SMARCA2: variants seen among roughly 807,000 people sequenced by gnomAD.
The protein encoded by SMARCA2 is SWI/SNF related BAF chromatin remodeling complex subunit ATPase 2, also known as SWI/SNF-related matrix-associated actin-dependent regulator of chromatin subfamily A member 2.
A neutral mutation model predicts 199.8 loss-of-function variants in SMARCA2; 61 were observed. The ratio of observed to expected loss-of-function variants is 0.31; its 90% CI spans 0.25 to 0.38. The LOEUF (loss-of-function observed/expected upper bound fraction) is 0.38. Ranked by LOEUF, SMARCA2 falls within the 10% of genes least tolerant of loss-of-function variation. SMARCA2 has a pLI of 1.00. For missense variants in SMARCA2, 1,344 were observed against 2,012.2 expected (o/e 0.67, Z 6.35); for synonymous variants, 935 against 732.0 (o/e 1.28, Z -4.48).
At position 2,073,301 on chromosome 9, in the gene SMARCA2, C is replaced by T. The variant is rs373497659; in HGVS notation, c.1836C>T (p.Pro612=). 9 of 1,614,166 alleles carry T rather than the reference C, an allele frequency of 5.6e-6. No individual in the cohort carries two copies. The highest frequency in any genetic ancestry group is 2.2e-5 in the East Asian group (1 of 44,876). ...AGGTTCTGTTCGGACCAGAAGCACC[C>T]AAAGCAAGTCAGCTGGACGCCTGGC... ...TGKVLFGPEA[P]KASQLDAWLE... is the part of the protein sequence containing the mutation. The change falls in exon 11 of 34, where the codon CCC becomes CCT. Residue 612 remains proline (P), a synonymous_variant. Coordinates refer to ENST00000349721, the MANE Select transcript of SMARCA2 (RefSeq NM_003070.5).
At chr9:2,045,488 G>A (rs1210598299) in intron 4 of SMARCA2, 1 of 152,096 alleles carries the variant, frequency 6.6e-6, no homozygotes, top group Non-Finnish European at 1.5e-5. Flanking sequence ...TTACTCCAAT[G>A]CATAGTAACC....
At position 2,081,840 on chromosome 9, in the gene SMARCA2, C is replaced by A. The variant is rs749703040; in HGVS notation, c.2193C>A (p.Gly731=). ...ATTACTCTTCATTTCAGCTCCAGGG[C>A]CTGGAATGGATGGTTTCCCTGTATA... ...NGTLKHYQLQ[G]LEWMVSLYNN... is the part of the protein sequence containing the mutation. The change falls in exon 15 of 34, where the codon GGC becomes GGA. Residue 731 remains glycine (G), a synonymous_variant. Transcript: ENST00000349721. The A allele has an allele frequency of 1.2e-5, 19 of 1,613,738 alleles. No homozygotes were observed. Among genetic ancestry groups the A allele is most frequent in the Admixed American group, 3.3e-5 (2 of 60,006 alleles).
At chr9:2,087,961 A>T (rs1821871944) in intron 18 of SMARCA2, among the ~76,000 whole-genome samples, 1 of 152,176 alleles carries the variant, frequency 6.6e-6, no homozygotes, top group Admixed American at 6.6e-5. Flanking sequence ...CTTGAACTAG[A>T]TAGGGCTGAG....
In SMARCA2 at chr9:2,082,625, C is replaced by A. The variant is rs547699722; in HGVS notation, c.2348+630C>A. Among the ~76,000 whole-genome samples the A allele has an allele frequency of 2.6e-5, 4 of 152,268 alleles. No individual in the cohort carries two copies. The South Asian group carries it at 8.3e-4, about 32-fold the overall frequency. On this transcript the variant is annotated intron_variant, in intron 15 of 33. Coordinates refer to ENST00000349721, the MANE Select transcript of SMARCA2 (RefSeq NM_003070.5). ...GTGAGGGCACAGTGATTCACAAGCA[C>A]CCTCCTGGGAGTTCAGTGTGTCTGC...
In SMARCA2 at chr9:2,088,480, A is replaced by G. The variant is rs1203193405; in HGVS notation, c.2770-20A>G. 1 of 1,559,468 alleles carries G rather than the reference A, an allele frequency of 6.4e-7. No homozygotes were observed. ...TCCTTTTCTTTAAAAAATCAAATTCATAATAAGCCTCTCTTACAGGTGGAC... is the reference window on the plus strand; with the variant it reads ...TCCTTTTCTTTAAAAAATCAAATTCGTAATAAGCCTCTCTTACAGGTGGAC... On this transcript the variant is annotated intron_variant, in intron 18 of 33. Coordinates refer to ENST00000349721, the MANE Select transcript of SMARCA2 (RefSeq NM_003070.5).
intron 5 of SMARCA2, among the ~76,000 whole-genome samples, chr9:2,051,937 G>C (rs1438368090): frequency 6.6e-6 from 1 of 152,154 alleles, no homozygotes; most frequent in Non-Finnish European, 1.5e-5. Context: ...GGGCTACATA[G>C]ATGTTGTAGA....
intron 5 of SMARCA2, among the ~76,000 whole-genome samples, chr9:2,050,975 C>A (rs192663017): frequency 2.0e-5 from 3 of 152,176 alleles, no homozygotes; most frequent in African/African-American, 7.2e-5. Flanking sequence ...CGTGAGGACG[C>A]TAAATGAGTC....
rs1803766 is a variant in SMARCA2, at chr9:2,182,194, C to A, written c.4413C>A (p.Val1471=). 1.2e-6 allele frequency: 2 copies of A among 1,613,800 alleles called. No homozygotes were observed. The highest frequency in any genetic ancestry group is 1.7e-6 in the Non-Finnish European group (2 of 1,179,700). The change falls in exon 31 of 34, where the codon GTC becomes GTA. Residue 1471 remains valine (V), a synonymous_variant. Transcript: ENST00000349721. ...YRSLGDLEKD[V]MLLCHNAQTF... ...GCCTAGGCGACCTGGAGAAGGATGT[C>A]ATGCTTCTCTGTCACAACGCTCAGA...
At chr9:2,127,279 G>T (rs2130638413) in intron 27 of SMARCA2, among the ~76,000 whole-genome samples, 1 of 152,258 alleles carries the variant, frequency 6.6e-6, no homozygotes, top group Non-Finnish European at 1.5e-5. Context: ...TAGGACTTCT[G>T]TGTACAAATA....
intron 4 of SMARCA2, chr9:2,046,089 T>G (rs1218228002): frequency 1.3e-5 from 2 of 152,206 alleles, no homozygotes; most frequent in Non-Finnish European, 2.9e-5. Flanking sequence ...TTGTTACCAT[T>G]TAATAGCTAT....
At chr9:2,108,441 G>A (rs1340841525) in intron 23 of SMARCA2, among the ~76,000 whole-genome samples, 4 of 152,226 alleles carry the variant, frequency 2.6e-5, no homozygotes, top group East Asian at 3.9e-4. Context: ...TTAACTGTTC[G>A]GTTTCATTAA....
Position 2,017,476 on chromosome 9 carries a change from C to G in SMARCA2, c.-37+2072C>G, listed in dbSNP as rs79420987. ...GCAGCTGCTCCTGCCCGCACCCTCC[C>G]CTGGAGCCCGGGGAGGACAAGGCGA... On this transcript the variant is annotated intron_variant, in intron 1 of 33. Coordinates refer to ENST00000349721, the MANE Select transcript of SMARCA2 (RefSeq NM_003070.5). The surrounding 1 kb of genome is among the most constrained non-coding windows in gnomAD (Gnocchi z 8.8). 5,254 of 152,466 alleles carry G rather than the reference C, an allele frequency of 0.034. 119 individuals carry two copies. Among genetic ancestry groups the G allele is most frequent in the Admixed American group, 0.063 (961 of 15,282 alleles). 9.4% of individuals were successfully genotyped at this position (152,466 alleles called of 1,614,324 possible).
In SMARCA2 at chr9:2,119,728, T is replaced by G. The variant is rs59827531; in HGVS notation, c.3762+193T>G. Among the ~76,000 whole-genome samples, 3 of 152,204 alleles carry G rather than the reference T, an allele frequency of 2.0e-5. No homozygotes were observed. Among genetic ancestry groups the G allele is most frequent in the African/African-American group, 7.2e-5 (3 of 41,450 alleles). On this transcript the variant is annotated intron_variant, in intron 26 of 33. Transcript: ENST00000349721. This position sits in a 1 kb window ranked among gnomAD's most constrained non-coding sequence, Gnocchi z 4.6. ...TTTGTTTGGCCCACGCAGCGTTTTT[T>G]AAAATTTCCCATTCATTGCCAACAT...
chr9:2,103,969 C>A, intron 22 of SMARCA2, 34 bp from the exon 23 acceptor site: 2 of 1,603,820 alleles, frequency 1.2e-6, no homozygotes, highest in East Asian at 4.5e-5. Flanking sequence ...AGAAGTAATA[C>A]TGTCTTCTTG....
At chr9:2,189,186 G>T (rs1320550638) in intron 32 of SMARCA2, among the ~76,000 whole-genome samples, 1 of 152,174 alleles carries the variant, frequency 6.6e-6, no homozygotes, top group Non-Finnish European at 1.5e-5. Flanking sequence ...ATCTTGTGAG[G>T]AGATGATATT....
At chr9:2,125,732 C>A (rs1479023671) in intron 27 of SMARCA2, among the ~76,000 whole-genome samples, 1 of 152,180 alleles carries the variant, frequency 6.6e-6, no homozygotes, top group Non-Finnish European at 1.5e-5. Flanking sequence ...TCGGGTGATC[C>A]ACCTGCCTTG....
At chr9:2,095,411 A>G (rs1822235276) in intron 19 of SMARCA2, among the ~76,000 whole-genome samples, 1 of 152,218 alleles carries the variant, frequency 6.6e-6, no homozygotes, top group Non-Finnish European at 1.5e-5. Flanking sequence ...CATAAAAAAA[A>G]AAGGAGAAGT....
intron 31 of SMARCA2, among the ~76,000 whole-genome samples, chr9:2,183,562 G>C (rs1332450542): frequency 6.6e-6 from 1 of 152,170 alleles, no homozygotes; most frequent in African/African-American, 2.4e-5. Flanking sequence ...GCAGTGTCAA[G>C]CCACCTTTAA....
chr9:2,095,048 C>T (rs907955362), intron 19 of SMARCA2, among the ~76,000 whole-genome samples: 1 of 151,678 alleles, frequency 6.6e-6, no homozygotes, highest in African/African-American at 2.4e-5. Context: ...AATATTATAC[C>T]TTGATACAAT....
Sources: gnomAD v4.1 joint callset for allele counts (sites outside exome capture counted in the v4.1 genomes callset) on GRCh38, gnomAD v4.1.1 for gene constraint, Gnocchi (gnomAD v3.1) non-coding constraint, MANE v1.5 for transcripts, NCBI Gene and HGNC (gene_info 2026-07-23, HGNC 2026-07-21) for gene names.